Variants in TRAK1 observed in about 807,000 individuals in gnomAD.
TRAK1 encodes trafficking kinesin protein 1.
TRAK1 carries 33 observed loss-of-function variants against 92.1 expected under a neutral mutation model. The observed-to-expected ratio is 0.36, with a 90% CI of 0.27 to 0.48. The LOEUF (loss-of-function observed/expected upper bound fraction) is 0.48. Ranked by LOEUF, TRAK1 falls within the 20% of genes least tolerant of loss-of-function variation. The pLI is 0.99. For missense variants in TRAK1, 1,123 were observed against 1,257.9 expected (o/e 0.89, Z 1.62); for synonymous variants, 521 against 517.3 (o/e 1.01, Z -0.10).
chr3:42,029,038 A>G (rs1337621505), intron 1 of TRAK1, among the ~76,000 whole-genome samples: 3 of 152,164 alleles, frequency 2.0e-5, no homozygotes, highest in Non-Finnish European at 2.9e-5. Flanking sequence ...ACTTACAATC[A>G]TGGTGGAAGG....
chr3:42,210,424 A>T (rs1443499755), intron 14 of TRAK1: 2 of 1,230,728 alleles, frequency 1.6e-6, no homozygotes, highest in African/African-American at 1.6e-5. Flanking sequence ...AAAAAAAAAA[A>T]AGTGGGCTTT....
At chr3:42,135,610 G>A (rs1697855171) in intron 2 of TRAK1, among the ~76,000 whole-genome samples, 1 of 152,116 alleles carries the variant, frequency 6.6e-6, no homozygotes, top group Non-Finnish European at 1.5e-5. Context: ...TCTCATCCAG[G>A]GTATTTCCCA....
At chr3:42,058,324 TTTTAAA>T (rs1703281777) in intron 1 of TRAK1, among the ~76,000 whole-genome samples, 1 of 151,664 alleles carries the variant, frequency 6.6e-6, no homozygotes, top group South Asian at 2.1e-4. Context: ...GAACCTTTAT[TTTTAAA>T]TTTAATTTAA....
intron 1 of TRAK1, among the ~76,000 whole-genome samples, chr3:42,032,840 T>G (rs1403848141): frequency 6.6e-6 from 1 of 152,150 alleles, no homozygotes; most frequent in East Asian, 1.9e-4. Flanking sequence ...GAGGATCTCT[T>G]GAGCCCGAGA....
At chr3:42,159,776 C>T (rs1372934110) in intron 2 of TRAK1, among the ~76,000 whole-genome samples, 1 of 152,204 alleles carries the variant, frequency 6.6e-6, no homozygotes, top group Admixed American at 6.5e-5. Flanking sequence ...CTGCTCAGCG[C>T]TGTCAGGCAG....
At chr3:42,052,000 A>G (rs1353263900) in intron 1 of TRAK1, among the ~76,000 whole-genome samples, 1 of 152,186 alleles carries the variant, frequency 6.6e-6, no homozygotes, top group East Asian at 1.9e-4. Context: ...CCTTTGTGAT[A>G]TGACAGCTTA....
intron 1 of TRAK1, among the ~76,000 whole-genome samples, chr3:42,061,667 G>A (rs1020645542): frequency 1.3e-5 from 2 of 152,080 alleles, no homozygotes; most frequent in African/African-American, 4.8e-5. Flanking sequence ...AAATACAAGA[G>A]AATTTGGGAA....
intron 1 of TRAK1, among the ~76,000 whole-genome samples, chr3:42,108,529 A>G (rs1707907256): frequency 6.6e-6 from 1 of 151,482 alleles, no homozygotes; most frequent in South Asian, 2.1e-4. Flanking sequence ...CAAACATTCA[A>G]CATTAGCATT....
rs1445348341 is a variant in TRAK1, at chr3:42,210,022, G to T, written c.1963+37G>T. 6 of 1,614,054 alleles carry T rather than the reference G, an allele frequency of 3.7e-6. No homozygotes were observed. In the African/African-American group the frequency reaches 5.3e-5, roughly 14 times the overall value. On this transcript the variant is annotated intron_variant, in intron 14 of 15. Coordinates refer to ENST00000327628, the MANE Select transcript of TRAK1 (RefSeq NM_001042646.3). Reference sequence around the variant, plus strand: ...CAAGCACGTGTGACTGTCTCAGGCAGCAGAAGTTACCCGAGCCGGCCTCAG... The same window carrying T: ...CAAGCACGTGTGACTGTCTCAGGCATCAGAAGTTACCCGAGCCGGCCTCAG...
chr3:42,134,959 C>T (rs954643432), intron 2 of TRAK1, among the ~76,000 whole-genome samples: 16 of 151,916 alleles, frequency 1.1e-4, no homozygotes, highest in African/African-American at 3.4e-4. Context: ...ACTGCAGCCT[C>T]GAACTCCTGG....
At chr3:42,099,653 ATTCTGTT>A (rs1056718330) in intron 1 of TRAK1, among the ~76,000 whole-genome samples, 3 of 152,192 alleles carry the variant, frequency 2.0e-5, no homozygotes, top group African/African-American at 7.2e-5. Flanking sequence ...CTTAGTAGGA[ATTCTGTT>A]CACTTTCCCA....
At chr3:42,113,681 C>G (rs2149087587) in intron 1 of TRAK1, among the ~76,000 whole-genome samples, 1 of 152,162 alleles carries the variant, frequency 6.6e-6, no homozygotes, top group African/African-American at 2.4e-5. Context: ...TCCCAAAGTT[C>G]TGGGATTACA....
chr3:42,219,202 G>A (rs1194765986), intron 14 of TRAK1: 7 of 960,668 alleles, frequency 7.3e-6, no homozygotes, highest in African/African-American at 2.0e-5. Context: ...CACCCCCCTC[G>A]CCTCCCACCC....
intron 1 of TRAK1, among the ~76,000 whole-genome samples, chr3:42,047,570 T>G (rs544917384): frequency 7.7e-4 from 117 of 152,292 alleles, no homozygotes; most frequent in African/African-American, 2.3e-3. Context: ...TTTTCTAATT[T>G]CTGTCCCACA....
chr3:42,074,578 G>A (rs745737930), intron 1 of TRAK1, among the ~76,000 whole-genome samples: 1 of 152,094 alleles, frequency 6.6e-6, no homozygotes, highest in Non-Finnish European at 1.5e-5. Context: ...GCTTTCTAGG[G>A]TGATTGTTCC....
Position 42,200,654 on chromosome 3 carries a change from C to G in TRAK1, c.1191-164C>G, listed in dbSNP as rs376731455. 8.5e-5 allele frequency among the ~76,000 whole-genome samples: 13 copies of G among 152,290 alleles called. No individual in the cohort carries two copies. In the East Asian group the frequency reaches 1.2e-3, roughly 14 times the overall value. ...CTCAAATTTCGCATTGTGAAGGAGG[C>G]AGCCAATACCCTAAGAAACAGGTGG... is the stretch of plus-strand genomic sequence containing the variant. On this transcript the variant is annotated intron_variant, in intron 11 of 15. Transcript: ENST00000327628.
rs1417008669 is a variant in TRAK1 at position 42,191,667 on chromosome 3, C to T, written c.769+31C>T. On this transcript the variant is annotated intron_variant, in intron 7 of 15. Transcript: ENST00000327628. Reference sequence around the variant, plus strand: ...TCCCCGCACTGCTGTCTTCTTACTTCCTTGCATCTGCTGTCATGATTAGAC... The same window carrying T: ...TCCCCGCACTGCTGTCTTCTTACTTTCTTGCATCTGCTGTCATGATTAGAC... 5 of 1,571,608 alleles carry T rather than the reference C, an allele frequency of 3.2e-6. No individual in the cohort carries two copies. In the Admixed American group the frequency reaches 7.4e-5, roughly 23 times the overall value.
At chr3:42,066,234 G>A (rs1374371127) in intron 1 of TRAK1, among the ~76,000 whole-genome samples, 2 of 152,168 alleles carry the variant, frequency 1.3e-5, no homozygotes, top group Non-Finnish European at 1.5e-5. Flanking sequence ...GCTGAGGCAC[G>A]AGAATCTCTT....
chr3:42,146,887 T>C (rs1391165570), intron 2 of TRAK1, among the ~76,000 whole-genome samples: 1 of 152,214 alleles, frequency 6.6e-6, no homozygotes, highest in African/African-American at 2.4e-5. Flanking sequence ...ATTTTGCAAA[T>C]TCTTGTTGGA....
Sources: allele counts gnomAD v4.1 joint callset (sites outside exome capture counted in the v4.1 genomes callset), GRCh38; gene constraint gnomAD v4.1.1; transcripts MANE v1.5; gene names NCBI Gene and HGNC (gene_info 2026-07-23, HGNC 2026-07-21).